The following AMBRA1 variants were observed in gnomAD, a reference collection of about 807,000 sequenced individuals.
The protein encoded by AMBRA1 is autophagy and beclin 1 regulator 1.
AMBRA1 carries 47 observed loss-of-function variants against 125.4 expected under a neutral mutation model. The ratio of observed to expected loss-of-function variants is 0.37; its 90% CI spans 0.30 to 0.48. AMBRA1 has a LOEUF of 0.48. Ranked by LOEUF, AMBRA1 falls within the 20% of genes least tolerant of loss-of-function variation. The probability of loss-of-function intolerance (pLI) is 0.99; values close to 1 mark genes in which losing one functional copy is unlikely to be tolerated. For missense variants in AMBRA1, 1,331 were observed against 1,693.4 expected, an observed-to-expected ratio of 0.79 and a Z score of 3.76; for synonymous variants, 626 against 655.5, an observed-to-expected ratio of 0.95 and a Z score of 0.69.
intron 7 of AMBRA1, among the ~76,000 whole-genome samples, chr11:46,539,275 C>T (rs1038511896): frequency 1.1e-4 from 16 of 151,956 alleles, no homozygotes; most frequent in African/African-American, 3.4e-4. Context: ...ATGAAGTTAT[C>T]GGCCAGGCGC....
At position 46,542,350 on chromosome 11, in the gene AMBRA1, T is replaced by C; in HGVS notation, c.1667A>G (p.Asn556Ser). The C allele has an allele frequency of 1.2e-6, 2 of 1,614,156 alleles. No individual in the cohort carries two copies. Among genetic ancestry groups the C allele is most frequent in the Non-Finnish European group, 1.7e-6 (2 of 1,180,036 alleles). Reference sequence around the variant, plus strand: ...GTGGCCACGGGACAGGTTGGAGTTGTTCTCACTGCTGTGTGGGGTGGGCTG... The same window carrying C: ...GTGGCCACGGGACAGGTTGGAGTTGCTCTCACTGCTGTGTGGGGTGGGCTG... ...SHQPTPHSSE[N>S]NSNLSRGHLN... The change falls in exon 7 of 18, where the codon AAC (asparagine) becomes AGC (serine). Residue 556 changes from asparagine to serine, a missense_variant. This residue lies in a region of AMBRA1 where 689 missense variants were observed against 776.5 expected (regional missense o/e 0.89). Transcript: ENST00000683756. This position sits in a 1 kb window ranked among gnomAD's most constrained non-coding sequence, Gnocchi z 5.9.
chr11:46,587,133 A>C (rs1368096181), intron 1 of AMBRA1, among the ~76,000 whole-genome samples: 1 of 152,190 alleles, frequency 6.6e-6, no homozygotes, highest in Non-Finnish European at 1.5e-5. Context: ...TAATCCCAAC[A>C]TGTTGGGAGG....
chr11:46,494,999 A>G (rs193027982), intron 9 of AMBRA1: 6 of 152,390 alleles, frequency 3.9e-5, no homozygotes, highest in African/African-American at 1.4e-4. Flanking sequence ...ACGAAAGACC[A>G]GAGAGGTAAA....
intron 1 of AMBRA1, among the ~76,000 whole-genome samples, chr11:46,552,496 C>A (rs2043035992): frequency 6.7e-6 from 1 of 149,078 alleles, no homozygotes; most frequent in Non-Finnish European, 1.5e-5. Context: ...ACCATCCTGG[C>A]CAACATGGTG....
intron 7 of AMBRA1, among the ~76,000 whole-genome samples, chr11:46,515,391 T>C (rs575609938): frequency 2.8e-4 from 42 of 152,118 alleles, no homozygotes; most frequent in Non-Finnish European, 4.9e-4. Flanking sequence ...GAGAATCACT[T>C]GAACCTGGGA....
intron 17 of AMBRA1, among the ~76,000 whole-genome samples, chr11:46,403,603 G>A (rs896475767): frequency 1.3e-5 from 2 of 152,138 alleles, no homozygotes; most frequent in East Asian, 1.9e-4. Context: ...CTCCCTTTTC[G>A]AGCTATGCTC....
chr11:46,423,338 G>T (rs1225464242), intron 14 of AMBRA1, among the ~76,000 whole-genome samples: 1 of 151,970 alleles, frequency 6.6e-6, no homozygotes, highest in Admixed American at 6.6e-5. Flanking sequence ...TATATTCTAT[G>T]TTGGAATTCA....
rs370668853 is a variant in AMBRA1, at chr11:46,542,941, T to G, written c.1076A>C (p.Gln359Pro). 1 of 1,609,238 alleles carries G rather than the reference T, an allele frequency of 6.2e-7. No homozygotes were observed. The highest frequency in any genetic ancestry group is 1.1e-5 in the South Asian group (1 of 91,060). Reference sequence around the variant, plus strand: ...CCGGTTCAGGAGGCCCTGGTCCTGCTGCGTTGACGAGGCCTGCTCCGGGGG... The same window carrying G: ...CCGGTTCAGGAGGCCCTGGTCCTGCGGCGTTGACGAGGCCTGCTCCGGGGG... The part of the protein sequence containing the change: ...FHPPEQASST[Q>P]QDQGLLNRPS... The change falls in exon 7 of 18, where the codon CAG (glutamine) becomes CCG (proline). Residue 359 changes from glutamine to proline, a missense_variant. Gln to Pro is a moderately conservative substitution (Grantham distance 76, BLOSUM62 -1). Around this residue, in one of 4 missense-constraint regions of AMBRA1, gnomAD observed 689 missense variants for 776.5 expected, o/e 0.89. Transcript: ENST00000683756. This position sits in a 1 kb window ranked among gnomAD's most constrained non-coding sequence, Gnocchi z 5.9.
chr11:46,523,746 G>C (rs1310916932), intron 7 of AMBRA1, among the ~76,000 whole-genome samples: 2 of 152,188 alleles, frequency 1.3e-5, no homozygotes, highest in Non-Finnish European at 2.9e-5. Flanking sequence ...AGACAGAAGA[G>C]GAGAGAAGCA....
At chr11:46,399,685 G>C (rs1190577996) in intron 17 of AMBRA1, among the ~76,000 whole-genome samples, 3 of 152,162 alleles carry the variant, frequency 2.0e-5, no homozygotes, top group Non-Finnish European at 4.4e-5. Flanking sequence ...AGTTTTAACT[G>C]TTCCTTGGAA....
chr11:46,468,871 C>G (rs998954811), intron 11 of AMBRA1, among the ~76,000 whole-genome samples: 3 of 151,512 alleles, frequency 2.0e-5, no homozygotes, highest in Admixed American at 2.0e-4. Context: ...AGGCCAGACA[C>G]AGTGGCTCAA....
At chr11:46,525,976 C>A (rs760675863) in intron 7 of AMBRA1, among the ~76,000 whole-genome samples, 2 of 151,722 alleles carry the variant, frequency 1.3e-5, no homozygotes, top group Non-Finnish European at 2.9e-5. Flanking sequence ...GAGGTCAAGG[C>A]GGACAGATCA....
intron 9 of AMBRA1, among the ~76,000 whole-genome samples, chr11:46,497,187 T>C (rs777810983): frequency 1.3e-5 from 2 of 152,096 alleles, no homozygotes; most frequent in African/African-American, 2.4e-5. Flanking sequence ...TTTTATGTTA[T>C]GTGTATTTTA....
At chr11:46,462,652 C>G (rs557926374) in intron 11 of AMBRA1, among the ~76,000 whole-genome samples, 86 of 152,184 alleles carry the variant, frequency 5.7e-4, no homozygotes, top group African/African-American at 2.0e-3. Flanking sequence ...CTCATACTGC[C>G]CCCACTATCT....
Position 46,443,639 on chromosome 11 carries a change from A to G in AMBRA1, c.2522-41T>C, listed in dbSNP as rs200063825. The G allele has an allele frequency of 1.8e-4, 271 of 1,530,418 alleles. 2 individuals are homozygous for G. In the African/African-American group the frequency reaches 3.5e-3, roughly 20 times the overall value. 94.8% of individuals were successfully genotyped at this position (1,530,418 alleles called of 1,614,324 possible). On this transcript the variant is annotated intron_variant, in intron 11 of 17. Transcript: ENST00000683756. Reference sequence around the variant, plus strand: ...TCAAAGACAGCACATTATATTATTTATCCACGTTTCCACTGCAAAACATAA... The same window carrying G: ...TCAAAGACAGCACATTATATTATTTGTCCACGTTTCCACTGCAAAACATAA...
At chr11:46,478,025 GAA>G (rs879284672) in intron 11 of AMBRA1, among the ~76,000 whole-genome samples, 1 of 143,490 alleles carries the variant, frequency 7.0e-6, no homozygotes, top group African/African-American at 2.5e-5. Context: ...ACTGGTGAAT[GAA>G]AAAAAAAAAG....
At chr11:46,401,043 G>C (rs918227502) in intron 17 of AMBRA1, among the ~76,000 whole-genome samples, 1 of 152,152 alleles carries the variant, frequency 6.6e-6, no homozygotes, top group Admixed American at 6.5e-5. Context: ...CTACGGCCTT[G>C]GTGCCCACAG....
At chr11:46,408,878 A>C (rs1316186682) in intron 16 of AMBRA1, among the ~76,000 whole-genome samples, 172 bp from the exon 17 acceptor site, 1 of 152,182 alleles carries the variant, frequency 6.6e-6, no homozygotes, top group Non-Finnish European at 1.5e-5. Context: ...GTCTGTGTCC[A>C]TTCTCCCCCA....
At chr11:46,463,055 A>C (rs1212883241) in intron 11 of AMBRA1, among the ~76,000 whole-genome samples, 8 of 152,132 alleles carry the variant, frequency 5.3e-5, no homozygotes, top group East Asian at 1.9e-4. Context: ...CGTCTGGCCA[A>C]TAATCCCCTT....
Sources: allele counts gnomAD v4.1 joint callset (sites outside exome capture counted in the v4.1 genomes callset), GRCh38; gene constraint gnomAD v4.1.1; regional missense constraint gnomAD v4.1.1; non-coding constraint Gnocchi (gnomAD v3.1); transcripts MANE v1.5; gene names NCBI Gene and HGNC (gene_info 2026-07-23, HGNC 2026-07-21).